The following PCDHA12 variants were observed in gnomAD, a reference collection of about 807,000 sequenced individuals.
PCDHA12 encodes protocadherin alpha-12.
In PCDHA12, 44 loss-of-function variants were observed where a neutral mutation model predicts 60.0. That is an observed-to-expected ratio of 0.73 (90% CI 0.58 to 0.94). PCDHA12 has a LOEUF of 0.94. Ranked by LOEUF, PCDHA12 falls within the 40% of genes least tolerant of loss-of-function variation. The probability of loss-of-function intolerance (pLI) is 0.00; values close to 1 mark genes in which losing one functional copy is unlikely to be tolerated. For missense variants in PCDHA12, 1,276 were observed against 1,239.7 expected, an observed-to-expected ratio of 1.03 and a Z score of -0.44; for synonymous variants, 569 against 553.0, an observed-to-expected ratio of 1.03 and a Z score of -0.40.
At chr5:140,882,652 C>T (rs781900873) in intron 1 of PCDHA12, 1 of 1,614,216 alleles carries the variant, frequency 6.2e-7, no homozygotes, top group Non-Finnish European at 8.5e-7. Flanking sequence ...ACATTAACGA[C>T]AACCCGCCCA....
At chr5:141,007,379 C>T (rs1178671835) in intron 3 of PCDHA12, among the ~76,000 whole-genome samples, 1 of 139,926 alleles carries the variant, frequency 7.1e-6, no homozygotes, top group Non-Finnish European at 1.5e-5. Context: ...GATGGAACAC[C>T]ATCTCTACTA....
Position 140,902,287 on chromosome 5 carries a change from C to T in PCDHA12, c.2367+24448C>T, listed in dbSNP as rs150308530. Among the ~76,000 whole-genome samples the T allele has an allele frequency of 1.9e-3, 280 of 150,946 alleles. 2 individuals are homozygous for T. The highest frequency in any genetic ancestry group is 6.5e-3 in the African/African-American group (266 of 41,018). ...TCCTGGGCTCAAGCAATCCTCCTGC[C>T]TCAGCCTCCCAAAGTGCTGGGATTA... is the stretch of plus-strand genomic sequence containing the variant. On this transcript the variant is annotated intron_variant, in intron 1 of 3. Transcript: ENST00000398631.
In PCDHA12 at chr5:140,875,367, T is replaced by C. The variant is rs937879067; in HGVS notation, c.-106T>C. ...ATAATGACTGTGATGCTGGAAAAAA[T>C]TTACTAAATATGTACTTACAGAAAA... On this transcript the variant is annotated 5_prime_UTR_variant, in exon 1 of 4. Coordinates refer to ENST00000398631, the MANE Select transcript of PCDHA12 (RefSeq NM_018903.4). 6.9e-7 allele frequency: 1 copy of C among 1,449,048 alleles called. No homozygotes were observed. Among genetic ancestry groups the C allele is most frequent in the Non-Finnish European group, 9.1e-7 (1 of 1,101,558 alleles). The allele number at this position is 1,449,048 out of a possible 1,614,324, so 89.8% of individuals were successfully genotyped here.
At chr5:140,943,789 T>C (rs2093567416) in intron 1 of PCDHA12, among the ~76,000 whole-genome samples, 1 of 152,228 alleles carries the variant, frequency 6.6e-6, no homozygotes, top group African/African-American at 2.4e-5. Flanking sequence ...TGGTCCTTTA[T>C]GCAAAGCAAA....
At chr5:140,955,130 T>A (rs1173088504) in intron 1 of PCDHA12, among the ~76,000 whole-genome samples, 1 of 152,228 alleles carries the variant, frequency 6.6e-6, no homozygotes, top group African/African-American at 2.4e-5. Context: ...TCCACTGGTC[T>A]ACACGTCTGT....
chr5:140,963,307 C>G (rs2095756240), intron 1 of PCDHA12, among the ~76,000 whole-genome samples: 1 of 152,062 alleles, frequency 6.6e-6, no homozygotes, highest in African/African-American at 2.4e-5. Context: ...AAATAAGAAG[C>G]TGTTTGTATT....
At chr5:141,004,637 A>G (rs149340406) in intron 3 of PCDHA12, among the ~76,000 whole-genome samples, 1,579 of 152,220 alleles carry the variant, frequency 0.01, 12 homozygotes, top group Middle Eastern at 0.058. Flanking sequence ...TTGAAGAAAA[A>G]TTTCCATTTT....
intron 1 of PCDHA12, among the ~76,000 whole-genome samples, chr5:140,900,374 T>TCAAGAA (rs1554189115): frequency 1.3e-5 from 2 of 151,622 alleles, no homozygotes; most frequent in Non-Finnish European, 2.9e-5. Flanking sequence ...GCCTCCTGGG[T>TCAAGAA]TCAAGCGATT....
chr5:140,961,632 A>T (rs373824042), intron 1 of PCDHA12, among the ~76,000 whole-genome samples: 2 of 152,214 alleles, frequency 1.3e-5, no homozygotes, highest in African/African-American at 4.8e-5. Context: ...ATGAAAAACA[A>T]TCTTAAGTCT....
chr5:140,890,259 T>C (rs1303485467), intron 1 of PCDHA12, among the ~76,000 whole-genome samples: 2 of 152,140 alleles, frequency 1.3e-5, no homozygotes, highest in Admixed American at 6.6e-5. Flanking sequence ...CTGCACCTGA[T>C]TGCAAGCAAG....
intron 1 of PCDHA12, among the ~76,000 whole-genome samples, chr5:140,960,911 G>A (rs2095578426): frequency 6.6e-6 from 1 of 152,284 alleles, no homozygotes; most frequent in Non-Finnish European, 1.5e-5. Context: ...TTGAGTTTCA[G>A]ATAGAAAATT....
chr5:141,009,315 C>G (rs1292643535), intron 3 of PCDHA12, among the ~76,000 whole-genome samples: 2 of 152,132 alleles, frequency 1.3e-5, no homozygotes, highest in Admixed American at 6.6e-5. Context: ...AAAAGCTAGC[C>G]TGGCATGGGA....
At chr5:140,884,422 T>C (rs1470374467) in intron 1 of PCDHA12, 15 of 1,613,860 alleles carry the variant, frequency 9.3e-6, no homozygotes, top group Middle Eastern at 1.6e-4. Context: ...TGCTGCTGTA[T>C]ACTGCGCTGC....
chr5:140,926,698 C>G, intron 1 of PCDHA12: 2 of 787,702 alleles, frequency 2.5e-6, no homozygotes, highest in Non-Finnish European at 3.6e-6. Context: ...AAGCCCGGCT[C>G]CCAGCTGGCC....
At chr5:140,918,515 T>C (rs1000500676) in intron 1 of PCDHA12, among the ~76,000 whole-genome samples, 1 of 152,224 alleles carries the variant, frequency 6.6e-6, no homozygotes, top group African/African-American at 2.4e-5. Flanking sequence ...TTTAAACTTA[T>C]TGAGGATTGT....
intron 1 of PCDHA12, among the ~76,000 whole-genome samples, chr5:140,941,777 T>C (rs903102270): frequency 6.6e-6 from 1 of 152,262 alleles, no homozygotes; most frequent in Admixed American, 6.5e-5. Context: ...ATTGTTTTAA[T>C]GTTTTACCCA....
chr5:140,891,744 A>G (rs2063231419), intron 1 of PCDHA12, among the ~76,000 whole-genome samples: 1 of 152,070 alleles, frequency 6.6e-6, no homozygotes, highest in South Asian at 2.1e-4. Context: ...AATCCCTTAT[A>G]CAACAGTGTT....
At chr5:140,942,600 T>A (rs943278532) in intron 1 of PCDHA12, among the ~76,000 whole-genome samples, 2 of 132,144 alleles carry the variant, frequency 1.5e-5, no homozygotes, top group African/African-American at 6.2e-5. Flanking sequence ...ATAATTATAG[T>A]GTTTATATTT....
chr5:140,882,152 GA>G, intron 1 of PCDHA12: 1 of 1,505,314 alleles, frequency 6.6e-7, no homozygotes, highest in East Asian at 2.3e-5. Flanking sequence ...GCAGAAAGCG[GA>G]ATACCTCTTG....
Sources: allele counts gnomAD v4.1 joint callset (sites outside exome capture counted in the v4.1 genomes callset), GRCh38; gene constraint gnomAD v4.1.1; transcripts MANE v1.5; gene names NCBI Gene and HGNC (gene_info 2026-07-23, HGNC 2026-07-21).